Variants in OTOGL observed in about 807,000 individuals in gnomAD.
The protein encoded by OTOGL is otogelin like.
A neutral mutation model predicts 318.5 loss-of-function variants in OTOGL; 285 were observed. The observed-to-expected ratio is 0.89, with a 90% confidence interval of 0.81 to 0.99. The LOEUF is 0.99. Ranked by LOEUF, OTOGL falls within the 50% of genes least tolerant of loss-of-function variation. The pLI is 0.00. For synonymous variants in OTOGL, 987 were observed against 936.5 expected (o/e 1.05, Z -0.99); for missense variants, 2,899 against 2,845.6 (o/e 1.02, Z -0.43).
At chr12:80,306,503 T>C (rs1287784942) in intron 29 of OTOGL, among the ~76,000 whole-genome samples, 1 of 152,202 alleles carries the variant, frequency 6.6e-6, no homozygotes, top group Non-Finnish European at 1.5e-5. Flanking sequence ...TAGTTACTTC[T>C]CTACTTTGCC....
At chr12:80,120,723 A>G (rs1195540062) in intron 1 of OTOGL, among the ~76,000 whole-genome samples, 3 of 152,206 alleles carry the variant, frequency 2.0e-5, no homozygotes, top group African/African-American at 4.8e-5. Flanking sequence ...GATTCCCTCG[A>G]TATAAAAACA....
intron 21 of OTOGL, 22 bp from the exon 22 acceptor site, chr12:80,267,231 A>T: frequency 6.9e-7 from 1 of 1,450,478 alleles, no homozygotes; most frequent in Non-Finnish European, 9.4e-7. Context: ...TATCCTATTT[A>T]CTTTACTTTT....
chr12:80,119,314 C>T (rs1331795567), intron 1 of OTOGL, among the ~76,000 whole-genome samples: 1 of 152,222 alleles, frequency 6.6e-6, no homozygotes, highest in Non-Finnish European at 1.5e-5. Context: ...TGTAAGCAGT[C>T]AGAAGCAGTC....
chr12:80,216,861 T>G (rs1291773577), intron 4 of OTOGL, among the ~76,000 whole-genome samples: 1 of 152,106 alleles, frequency 6.6e-6, no homozygotes, highest in East Asian at 1.9e-4. Flanking sequence ...GACGAGTTAA[T>G]GGGTGCAGCA....
chr12:80,312,970 T>C (rs1288514353), intron 30 of OTOGL, among the ~76,000 whole-genome samples: 1 of 152,132 alleles, frequency 6.6e-6, no homozygotes, highest in Non-Finnish European at 1.5e-5. Flanking sequence ...GCACTGTCAA[T>C]ATATTAAATT....
intron 1 of OTOGL, among the ~76,000 whole-genome samples, chr12:80,159,696 A>G (rs115374121): frequency 0.013 from 1,911 of 152,266 alleles, 47 homozygotes; most frequent in African/African-American, 0.042. Context: ...TACAAATTCA[A>G]TGCAATTTCC....
chr12:80,285,685 G>A (rs1419548601), intron 26 of OTOGL, among the ~76,000 whole-genome samples: 1 of 151,840 alleles, frequency 6.6e-6, no homozygotes, highest in Non-Finnish European at 1.5e-5. Flanking sequence ...TTTATTTTTG[G>A]TGTATAAGAA....
intron 26 of OTOGL, among the ~76,000 whole-genome samples, chr12:80,286,454 G>T (rs1270716525): frequency 2.6e-5 from 4 of 152,174 alleles, no homozygotes; most frequent in Admixed American, 2.6e-4. Context: ...AATGGTACCA[G>T]CTCCTTTTTG....
intron 28 of OTOGL, 28 bp from the exon 29 acceptor site, chr12:80,305,547 TA>T: frequency 6.8e-7 from 1 of 1,474,404 alleles, no homozygotes. Context: ...GAAAACAGAA[TA>T]TTTCCTGGTG....
chr12:80,251,579 A>T, intron 11 of OTOGL, 114 bp from the exon 12 acceptor site: 1 of 705,858 alleles, frequency 1.4e-6, no homozygotes. Context: ...GCTGACATCA[A>T]TTAACATCGG....
At chr12:80,373,557 C>A (rs935900239) in intron 57 of OTOGL, among the ~76,000 whole-genome samples, 1 of 151,498 alleles carries the variant, frequency 6.6e-6, no homozygotes, top group Non-Finnish European at 1.5e-5. Flanking sequence ...AGACTAAATC[C>A]CATAAATATG....
At chr12:80,111,382 T>C (rs149077306) in intron 1 of OTOGL, among the ~76,000 whole-genome samples, 99 of 152,348 alleles carry the variant, frequency 6.5e-4, no homozygotes, top group African/African-American at 2.3e-3. Flanking sequence ...TGGTTTTAGG[T>C]CTTACATTTA....
At chr12:80,349,047 T>C (rs1014750847) in intron 44 of OTOGL, among the ~76,000 whole-genome samples, 4 of 152,068 alleles carry the variant, frequency 2.6e-5, no homozygotes, top group African/African-American at 9.7e-5. Context: ...AATAAGTAAG[T>C]AGAGGATACA....
Position 80,377,940 on chromosome 12 carries a change from T to C in OTOGL, c.6954T>C (p.Arg2318=), listed in dbSNP as rs772200822. ...ESHLRFCKCC[R]ENGVRNLSVP... Reference sequence around the variant, plus strand: ...ACCTAAGATTCTGCAAGTGTTGTCGTGAAAATGGAGTACGAAACTTGTCTG... The same window carrying C: ...ACCTAAGATTCTGCAAGTGTTGTCGCGAAAATGGAGTACGAAACTTGTCTG... The change falls in exon 59 of 59, where the codon CGT becomes CGC. Residue 2318 remains arginine, a synonymous_variant. Coordinates refer to ENST00000547103, the MANE Select transcript of OTOGL (RefSeq NM_001378609.3). 1.9e-6 allele frequency: 3 copies of C among 1,610,408 alleles called. No individual in the cohort carries two copies. Among genetic ancestry groups the C allele is most frequent in the Non-Finnish European group, 2.5e-6 (3 of 1,177,904 alleles).
intron 11 of OTOGL, among the ~76,000 whole-genome samples, chr12:80,245,036 A>G (rs1420287921): frequency 7.0e-6 from 1 of 143,730 alleles, no homozygotes; most frequent in African/African-American, 2.8e-5. Context: ...AATTTGTTTG[A>G]GTTCATTGTA....
chr12:80,309,234 A>G (rs974417344), intron 29 of OTOGL, among the ~76,000 whole-genome samples: 1 of 152,188 alleles, frequency 6.6e-6, no homozygotes, highest in African/African-American at 2.4e-5. Flanking sequence ...TAGAGTCTAG[A>G]GGTGGAAAAT....
At chr12:80,254,343 T>A (rs1054646137) in intron 14 of OTOGL, among the ~76,000 whole-genome samples, 181 bp from the exon 15 acceptor site, 1 of 143,086 alleles carries the variant, frequency 7.0e-6, no homozygotes. Context: ...CAGAGATGAT[T>A]TTTTTATTAT....
Position 80,267,302 on chromosome 12 carries a change from C to G in OTOGL, c.2440C>G (p.Leu814Val). The G allele has an allele frequency of 6.4e-7, 1 of 1,558,114 alleles. No homozygotes were observed. The highest frequency in any genetic ancestry group is 8.8e-7 in the Non-Finnish European group (1 of 1,137,828). ...GGGCAGTGTTTATCAACCTGGAGAGCTCATCCCCACACCCTCGGGCTTATG... is the reference window on the plus strand; with the variant it reads ...GGGCAGTGTTTATCAACCTGGAGAGGTCATCCCCACACCCTCGGGCTTATG... Reference protein sequence around the residue: ...YRGSVYQPGELIPTPSGLCQC... With the variant: ...YRGSVYQPGEVIPTPSGLCQC... Residue 814 changes from leucine (L) to valine (V), a missense_variant, in exon 22 of 59, where the codon CTC (leucine) becomes GTC (valine). Coordinates refer to ENST00000547103, the MANE Select transcript of OTOGL (RefSeq NM_001378609.3).
rs1592479884 is a variant in OTOGL, at chr12:80,132,888, G to A, written c.-20+33283G>A. ...GAAGGTGGTTTTGAAGATAATGCTA[G>A]AATTTATGAATGTCTTCCCCCATTT... On this transcript the variant is annotated intron_variant, in intron 1 of 58. Coordinates refer to ENST00000547103, the MANE Select transcript of OTOGL (RefSeq NM_001378609.3). 4 of 152,276 alleles carry A rather than the reference G, an allele frequency of 2.6e-5. No homozygotes were observed. In the East Asian group the frequency reaches 5.8e-4, roughly 22 times the overall value. 9.4% of individuals were successfully genotyped at this position (152,276 alleles called of 1,614,324 possible).
Sources: gnomAD v4.1 joint callset for allele counts (sites outside exome capture counted in the v4.1 genomes callset) on GRCh38, gnomAD v4.1.1 for gene constraint, MANE v1.5 for transcripts, NCBI Gene and HGNC (gene_info 2026-07-23, HGNC 2026-07-21) for gene names.